The following SHROOM4 variants were observed in gnomAD, a reference collection of about 807,000 sequenced individuals.
SHROOM4 encodes the protein shroom family member 4, also known as protein Shroom4.
Under a neutral mutation model 80.3 loss-of-function variants are expected in SHROOM4, and 17 were observed. The ratio of observed to expected loss-of-function variants is 0.21; its 90% CI spans 0.14 to 0.32. SHROOM4 has a LOEUF of 0.32. Ranked by LOEUF, SHROOM4 falls within the 10% of genes least tolerant of loss-of-function variation. SHROOM4 has a pLI of 1.00. For synonymous variants in SHROOM4, 400 were observed against 437.5 expected (o/e 0.91, Z 1.07); for missense variants, 993 against 1,140.3 (o/e 0.87, Z 1.86).
At position 50,594,200 on chromosome X, in the gene SHROOM4, G is replaced by C. The variant is rs1365386412; in HGVS notation, c.*2495C>G. ...GCCCAGGAACTGAGAACAGGGGAGA[G>C]AGACTGCATCTCAAGTAATACTGGC... On this transcript the variant is annotated 3_prime_UTR_variant, in exon 9 of 9. Coordinates refer to ENST00000376020, the MANE Select transcript of SHROOM4 (RefSeq NM_020717.5). 2 of 112,337 alleles carry C rather than the reference G, an allele frequency of 1.8e-5. No homozygotes were observed. Among genetic ancestry groups the C allele is most frequent in the African/African-American group, 6.5e-5 (2 of 30,972 alleles). The allele number at this position is 112,337 out of a possible 1,213,427, so 9.3% of individuals were successfully genotyped here.
chrX:50,623,799 A>T (rs1423056292), intron 5 of SHROOM4, among the ~76,000 whole-genome samples: 1 of 112,479 alleles, frequency 8.9e-6, no homozygotes, highest in Non-Finnish European at 1.9e-5. Context: ...AAGGACTAGT[A>T]AACAAAATGT....
chrX:50,731,794 T>G (rs1487280371), intron 1 of SHROOM4, among the ~76,000 whole-genome samples: 1 of 111,868 alleles, frequency 8.9e-6, no homozygotes, highest in African/African-American at 3.3e-5. Flanking sequence ...GCTACTAATC[T>G]CTTTTCAGAG....
chrX:50,656,478 G>T (rs1297081516), intron 2 of SHROOM4, among the ~76,000 whole-genome samples: 6 of 111,985 alleles, frequency 5.4e-5, no homozygotes, highest in Non-Finnish European at 5.6e-5. Context: ...TGAATATCCA[G>T]TTTTCATGAC....
chrX:50,671,213 C>T (rs1557260799), intron 2 of SHROOM4, among the ~76,000 whole-genome samples: 1 of 111,703 alleles, frequency 9.0e-6, no homozygotes, highest in Non-Finnish European at 1.9e-5. Flanking sequence ...AGAGCACAGA[C>T]AGAGTAGATT....
Position 50,634,872 on chromosome X carries a change from G to A in SHROOM4, c.1201C>T (p.His401Tyr), listed in dbSNP as rs201801889. The change falls in exon 4 of 9, where the codon CAT becomes TAT. Residue 401 changes from histidine to tyrosine, a missense_variant. Physicochemically the swap from His to Tyr is moderately conservative, Grantham distance 83. Transcript: ENST00000376020. ...CGATGCCCTGTGGGTCCTATGAGATGTGGAGGTCTGCCAAAAGAAGCCTTA... is the reference window on the plus strand; with the variant it reads ...CGATGCCCTGTGGGTCCTATGAGATATGGAGGTCTGCCAAAAGAAGCCTTA... ...LAKASFGRPPHLIGPTGHRHS... is the reference protein window; with the variant it reads ...LAKASFGRPPYLIGPTGHRHS... 1.5e-4 allele frequency: 184 copies of A among 1,204,500 alleles called. No homozygotes were observed. The highest frequency in any genetic ancestry group is 6.9e-4 in the Middle Eastern group (3 of 4,347).
At chrX:50,651,780 T>C (rs1184184771) in intron 2 of SHROOM4, among the ~76,000 whole-genome samples, 1 of 106,682 alleles carries the variant, frequency 9.4e-6, no homozygotes, top group East Asian at 3.0e-4. Flanking sequence ...CCCCTCCCAG[T>C]GTCCATGTGT....
chrX:50,580,332 A>T, the SHROOM4 span, among the ~76,000 whole-genome samples: 2 of 112,018 alleles, frequency 1.8e-5, no homozygotes, highest in African/African-American at 3.2e-5. Flanking sequence ...TTTCTAACAT[A>T]TTCCCAGATG....
intron 1 of SHROOM4, among the ~76,000 whole-genome samples, chrX:50,754,165 C>A (rs782024373): frequency 8.9e-6 from 1 of 111,829 alleles, no homozygotes; most frequent in African/African-American, 3.2e-5. Context: ...CTAATGAGAT[C>A]CTTAGCTGAG....
chrX:50,729,970 C>T (rs1472297254), intron 1 of SHROOM4, among the ~76,000 whole-genome samples: 2 of 111,777 alleles, frequency 1.8e-5, no homozygotes, highest in Non-Finnish European at 3.8e-5. Context: ...TGCTAATAGA[C>T]CTGACTTACA....
intron 1 of SHROOM4, among the ~76,000 whole-genome samples, chrX:50,801,197 C>T (rs868957203): frequency 1.0e-5 from 1 of 98,606 alleles, no homozygotes; most frequent in South Asian, 5.6e-4. Flanking sequence ...AAGATGCCAA[C>T]GTGGTAGGGA....
chrX:50,806,869 C>T lies in SHROOM4; in HGVS notation c.117+7033G>A, dbSNP rs187814106. Among the ~76,000 whole-genome samples the T allele has an allele frequency of 5.3e-4, 60 of 112,299 alleles. No individual in the cohort carries two copies. In the East Asian group the frequency reaches 0.013, roughly 25 times the overall value. ...CTGTGTAACAGAGCTATCTAGAGCA[C>T]TTTTTGTTCCTAACTTATGAATGCA... On this transcript the variant is annotated intron_variant, in intron 1 of 8. Coordinates refer to ENST00000376020, the MANE Select transcript of SHROOM4 (RefSeq NM_020717.5).
At chrX:50,734,161 A>G (rs1336952645) in intron 1 of SHROOM4, among the ~76,000 whole-genome samples, 1 of 112,087 alleles carries the variant, frequency 8.9e-6, no homozygotes, top group Non-Finnish European at 1.9e-5. Context: ...TCATAAATTC[A>G]AAGACCTAAC....
Position 50,596,838 on chromosome X carries a change from G to A in SHROOM4, c.4339C>T (p.Gln1447Ter). ...ACAAAGTGCTGGTAATCTTGGAGCT[G>A]GTCCTGAGGCAGGTAGCGGGAGACC... The part of the protein sequence containing the change: ...GMVSRYLPQD[Q>*]LQDYQHFVKM... The change falls in exon 9 of 9, where the codon CAG (glutamine) becomes TAG (stop). Residue 1447 changes from glutamine to a stop codon, truncating the protein, a stop_gained. Coordinates refer to ENST00000376020, the MANE Select transcript of SHROOM4 (RefSeq NM_020717.5). LOFTEE classifies it high-confidence loss of function. The A allele has an allele frequency of 8.3e-7, 1 of 1,211,189 alleles. No individual in the cohort carries two copies. Among genetic ancestry groups the A allele is most frequent in the East Asian group, 3.0e-5 (1 of 33,808 alleles).
At chrX:50,578,593 C>G in the SHROOM4 span, among the ~76,000 whole-genome samples, 1 of 111,567 alleles carries the variant, frequency 9.0e-6, no homozygotes, top group Non-Finnish European at 1.9e-5. Flanking sequence ...GAGTGAGCCA[C>G]CGTGCCAGGC....
intron 2 of SHROOM4, among the ~76,000 whole-genome samples, chrX:50,690,133 C>T (rs782664839): frequency 4.5e-5 from 5 of 111,879 alleles, no homozygotes; most frequent in Non-Finnish European, 9.4e-5. Flanking sequence ...TAATTGTTTT[C>T]GAAGTTTCTA....
At chrX:50,804,410 T>C (rs1425468906) in intron 1 of SHROOM4, among the ~76,000 whole-genome samples, 1 of 112,003 alleles carries the variant, frequency 8.9e-6, no homozygotes, top group Non-Finnish European at 1.9e-5. Flanking sequence ...GAGGAATAGA[T>C]ACTCATAATA....
chrX:50,638,418 G>A, intron 2 of SHROOM4, 110 bp from the exon 3 acceptor site: 1 of 975,957 alleles, frequency 1.0e-6, no homozygotes, highest in Non-Finnish European at 1.4e-6. Context: ...AGAACATCTT[G>A]CAAGGAACTG....
intron 4 of SHROOM4, among the ~76,000 whole-genome samples, chrX:50,627,890 C>T (rs1342616011): frequency 1.4e-4 from 16 of 111,809 alleles, no homozygotes; most frequent in African/African-American, 4.9e-4. Context: ...ACTAAGGGAG[C>T]ACTTAGGGAC....
intron 2 of SHROOM4, among the ~76,000 whole-genome samples, chrX:50,646,153 C>G (rs1184719291): frequency 8.9e-6 from 1 of 111,873 alleles, no homozygotes; most frequent in Admixed American, 9.4e-5. Context: ...GAGGCCTGGA[C>G]CATAACAGAG....
Sources: gnomAD v4.1 joint callset for allele counts (sites outside exome capture counted in the v4.1 genomes callset) on GRCh38, gnomAD v4.1.1 for gene constraint, MANE v1.5 for transcripts, NCBI Gene and HGNC (gene_info 2026-07-23, HGNC 2026-07-21) for gene names.